PDE1A: variants seen among roughly 807,000 people sequenced by gnomAD.
PDE1A encodes dual specificity calcium/calmodulin-dependent 3',5'-cyclic nucleotide phosphodiesterase 1A.
Under a neutral mutation model 61.7 loss-of-function variants are expected in PDE1A, and 35 were observed. That is an observed-to-expected ratio of 0.57 (90% confidence interval 0.43 to 0.75). The LOEUF (loss-of-function observed/expected upper bound fraction) is 0.75. Among genes scored for constraint, PDE1A ranks in the 30% least tolerant of loss-of-function variants. PDE1A has a pLI of 0.00. For missense variants in PDE1A, 597 were observed against 630.6 expected (o/e 0.95, Z 0.57); for synonymous variants, 232 against 213.2 (o/e 1.09, Z -0.77).
At chr2:182,525,955 C>T (rs557777672), upstream of PDE1A, among the ~76,000 whole-genome samples, 1 of 152,002 alleles carries the variant, frequency 6.6e-6, no homozygotes, top group East Asian at 1.9e-4. Flanking sequence ...AAATCAGAAA[C>T]ATAGCAATGG....
chr2:182,602,537 T>G, the PDE1A span, among the ~76,000 whole-genome samples: 3 of 152,246 alleles, frequency 2.0e-5, no homozygotes, highest in Admixed American at 2.0e-4. Context: ...CTTAAATTTC[T>G]TGGGTGGTTT....
intron 2 of PDE1A, among the ~76,000 whole-genome samples, chr2:182,455,257 A>C (rs1054905373): frequency 3.3e-5 from 5 of 152,210 alleles, no homozygotes; most frequent in Admixed American, 1.3e-4. Flanking sequence ...TCAGGAAACA[A>C]CAGGTGCTGG....
the PDE1A span, among the ~76,000 whole-genome samples, chr2:182,567,352 A>G: frequency 1.3e-4 from 20 of 152,354 alleles, no homozygotes; most frequent in South Asian, 4.1e-3. Flanking sequence ...GAAAGGGAAG[A>G]AGATTTTATA....
At chr2:182,535,787 T>C in the PDE1A span, among the ~76,000 whole-genome samples, 1 of 152,176 alleles carries the variant, frequency 6.6e-6, no homozygotes, top group Non-Finnish European at 1.5e-5. Context: ...GGGCTATTAT[T>C]AAGAGGGCAA....
the PDE1A span, among the ~76,000 whole-genome samples, chr2:182,660,176 T>C: frequency 1.3e-5 from 2 of 152,174 alleles, no homozygotes; most frequent in African/African-American, 4.8e-5. Context: ...TCCCCAGCCT[T>C]ATCTAAGAAA....
chr2:182,428,866 T>C (rs2125623843), upstream of PDE1A, among the ~76,000 whole-genome samples: 1 of 152,230 alleles, frequency 6.6e-6, no homozygotes, highest in Non-Finnish European at 1.5e-5. Context: ...GAATTGGAAA[T>C]GTGAGACAAT....
At chr2:182,233,912 G>C (rs1220824587) in intron 4 of PDE1A, among the ~76,000 whole-genome samples, 1 of 151,474 alleles carries the variant, frequency 6.6e-6, no homozygotes, top group Non-Finnish European at 1.5e-5. Context: ...CCTTAGAATA[G>C]TGTAGCCACA....
intron 1 of PDE1A, among the ~76,000 whole-genome samples, chr2:182,318,677 C>T (rs2125979470): frequency 6.6e-6 from 1 of 152,220 alleles, no homozygotes; most frequent in East Asian, 1.9e-4. Flanking sequence ...CTGCCAAATG[C>T]TCACTTCAAT....
At chr2:182,691,017 A>T in the PDE1A span, among the ~76,000 whole-genome samples, 2 of 152,226 alleles carry the variant, frequency 1.3e-5, no homozygotes, top group Admixed American at 6.5e-5. Flanking sequence ...CCACTGCTCA[A>T]CGAAATAAAA....
intron 1 of PDE1A, among the ~76,000 whole-genome samples, chr2:182,272,204 T>A (rs1044509664): frequency 1.3e-5 from 2 of 152,146 alleles, no homozygotes; most frequent in Admixed American, 1.3e-4. Context: ...ATAGTCACTT[T>A]CCCAGAACTT....
the PDE1A span, among the ~76,000 whole-genome samples, chr2:182,610,114 A>G: frequency 1.3e-5 from 2 of 151,530 alleles, no homozygotes; most frequent in Admixed American, 1.3e-4. Context: ...AAAGAAATGC[A>G]TGCTCAGAGG....
chr2:182,376,480 C>G (rs986123779), intron 1 of PDE1A, among the ~76,000 whole-genome samples: 1 of 152,170 alleles, frequency 6.6e-6, no homozygotes, highest in African/African-American at 2.4e-5. Flanking sequence ...CATCTGAGAC[C>G]ACCTCAGCCT....
At chr2:182,638,258 G>A in the PDE1A span, among the ~76,000 whole-genome samples, 31 of 152,336 alleles carry the variant, frequency 2.0e-4, no homozygotes, top group East Asian at 6.0e-3. Context: ...CAGGCATACA[G>A]TCGGGTGCAG....
chr2:182,315,039 G>A (rs749382659), intron 1 of PDE1A, among the ~76,000 whole-genome samples: 12 of 152,056 alleles, frequency 7.9e-5, no homozygotes, highest in South Asian at 2.1e-4. Flanking sequence ...TGAATTTTCC[G>A]TGAACACTTT....
intron 2 of PDE1A, among the ~76,000 whole-genome samples, chr2:182,519,683 A>C (rs1201832864): frequency 1.3e-5 from 2 of 151,916 alleles, no homozygotes; most frequent in Non-Finnish European, 2.9e-5. Flanking sequence ...AAATTTAAAA[A>C]TTATTTCTAT....
the PDE1A span, among the ~76,000 whole-genome samples, chr2:182,690,008 T>C: frequency 6.6e-6 from 1 of 152,078 alleles, no homozygotes; most frequent in Non-Finnish European, 1.5e-5. Flanking sequence ...AATAGACCAA[T>C]AACAGGCTCT....
At chr2:182,591,288 T>G in the PDE1A span, among the ~76,000 whole-genome samples, 2 of 152,208 alleles carry the variant, frequency 1.3e-5, no homozygotes, top group African/African-American at 4.8e-5. Context: ...TCAAATTCTG[T>G]GACACACTCA....
chr2:182,520,467 T>C (rs1690496886), intron 2 of PDE1A, among the ~76,000 whole-genome samples: 3 of 151,970 alleles, frequency 2.0e-5, no homozygotes, highest in African/African-American at 4.8e-5. Flanking sequence ...TAATTTTGCA[T>C]GTACATATTT....
the PDE1A span, among the ~76,000 whole-genome samples, chr2:182,532,317 A>T: frequency 6.6e-6 from 1 of 152,196 alleles, no homozygotes; most frequent in Non-Finnish European, 1.5e-5. Context: ...TAGAGTACAC[A>T]CTCTATGCAT....
Sources: gnomAD v4.1 joint callset for allele counts (sites outside exome capture counted in the v4.1 genomes callset) on GRCh38, gnomAD v4.1.1 for gene constraint, MANE v1.5 for transcripts, NCBI Gene and HGNC (gene_info 2026-07-23, HGNC 2026-07-21) for gene names.